CPS1: variants seen among roughly 807,000 people sequenced by gnomAD.
CPS1 encodes carbamoyl-phosphate synthase 1, also known as carbamoyl-phosphate synthase [ammonia], mitochondrial.
A neutral mutation model predicts 174.6 loss-of-function variants in CPS1; 109 were observed. That is an observed-to-expected ratio of 0.62 (90% CI 0.53 to 0.73). CPS1 has a LOEUF of 0.73. Among genes scored for constraint, CPS1 ranks in the 30% least tolerant of loss-of-function variants. The pLI, the probability that CPS1 is intolerant of heterozygous loss-of-function variation, is 0.00. For synonymous variants in CPS1, 637 were observed against 632.0 expected (o/e 1.01, Z -0.12); for missense variants, 1,689 against 1,821.9 (o/e 0.93, Z 1.33).
At chr2:210,551,933 A>G (rs1411304499), upstream of CPS1, among the ~76,000 whole-genome samples, 1 of 151,840 alleles carries the variant, frequency 6.6e-6, no homozygotes, top group Admixed American at 6.6e-5. Context: ...ACTTTGAGGA[A>G]TCCTCCTACC....
intron 21 of CPS1, among the ~76,000 whole-genome samples, chr2:210,636,271 G>A (rs1700039908): frequency 6.6e-6 from 1 of 151,834 alleles, no homozygotes; most frequent in Non-Finnish European, 1.5e-5. Flanking sequence ...CATGCATTTT[G>A]AAATCTAGTT....
chr2:210,649,939 G>C (rs1700508950), intron 27 of CPS1, among the ~76,000 whole-genome samples: 1 of 152,178 alleles, frequency 6.6e-6, no homozygotes, highest in Non-Finnish European at 1.5e-5. Flanking sequence ...TTTGACAACA[G>C]AGCAGTAGGC....
chr2:210,511,874 A>G (rs556616454), intron 1 of CPS1, among the ~76,000 whole-genome samples: 7 of 152,076 alleles, frequency 4.6e-5, no homozygotes, highest in Non-Finnish European at 7.4e-5. Context: ...TGTGGTTTCA[A>G]TAATCTTCAA....
chr2:210,491,719 T>C lies in CPS1; in HGVS notation c.3+13953T>C, dbSNP rs533203874. Among the ~76,000 whole-genome samples, 4 of 152,230 alleles carry C rather than the reference T, an allele frequency of 2.6e-5. No homozygotes were observed. In the South Asian group the frequency reaches 8.3e-4, roughly 32 times the overall value. ...TTTCTACCTCTTGGCCCCTAAGAAA[T>C]GTGGGATCACCTTGAACAGATCTGT... On this transcript the variant is annotated intron_variant, in intron 1 of 38. Transcript: ENST00000430249.
chr2:210,660,429 AT>A, intron 31 of CPS1, 55 bp from the exon 32 acceptor site: 1 of 1,528,420 alleles, frequency 6.5e-7, no homozygotes, highest in Non-Finnish European at 9.1e-7. Context: ...GAATATTAAT[AT>A]TGTTGTTACT....
chr2:210,655,042 C>T (rs989420077), intron 29 of CPS1, among the ~76,000 whole-genome samples: 9 of 152,118 alleles, frequency 5.9e-5, no homozygotes, highest in African/African-American at 4.8e-5. Flanking sequence ...TGATACAAAG[C>T]TCAACACATT....
rs1382587498 is a variant in CPS1, at chr2:210,612,227, A to G, written c.2502A>G (p.Pro834=). 10 of 1,612,306 alleles carry G rather than the reference A, an allele frequency of 6.2e-6. No individual in the cohort carries two copies. Among genetic ancestry groups the G allele is most frequent in the Non-Finnish European group, 8.5e-6 (10 of 1,178,870 alleles). The change falls in exon 20 of 38, where the codon CCA becomes CCG. Residue 834 remains proline, a synonymous_variant. Coordinates refer to ENST00000233072, the MANE Select transcript of CPS1 (RefSeq NM_001875.5). ...GTCTCCCAATGAACAAAGAATGGCC[A>G]TCTAATTTAGATCTTAGAAAAGAGT... The part of the protein sequence containing the change: ...TPRLPMNKEW[P]SNLDLRKELS...
intron 1 of CPS1, among the ~76,000 whole-genome samples, chr2:210,504,178 G>A (rs1695219332): frequency 6.6e-6 from 1 of 152,094 alleles, no homozygotes; most frequent in African/African-American, 2.4e-5. Flanking sequence ...GCCTGAAACA[G>A]TGGAACAAGG....
At chr2:210,579,130 A>G (rs376577967) in intron 4 of CPS1, among the ~76,000 whole-genome samples, 1 of 152,226 alleles carries the variant, frequency 6.6e-6, no homozygotes, top group Non-Finnish European at 1.5e-5. Context: ...TCTTTTTAAA[A>G]AAATCTTATT....
intron 18 of CPS1, 61 bp downstream of exon 18, chr2:210,607,002 G>C (rs1698938490): frequency 6.8e-7 from 1 of 1,468,482 alleles, no homozygotes; most frequent in Non-Finnish European, 9.5e-7. Flanking sequence ...ATGAAAAATT[G>C]ACAGATAGTG....
chr2:210,491,564 T>TG (rs1694879139), intron 1 of CPS1, among the ~76,000 whole-genome samples: 1 of 152,076 alleles, frequency 6.6e-6, no homozygotes, highest in Non-Finnish European at 1.5e-5. Context: ...CCGCCTGCCT[T>TG]GGACTCCCAA....
intron 2 of CPS1, among the ~76,000 whole-genome samples, chr2:210,574,842 A>G (rs1404579848): frequency 6.7e-6 from 1 of 148,240 alleles, no homozygotes; most frequent in African/African-American, 2.5e-5. Flanking sequence ...ATGGAAAGAA[A>G]GAAGAAAGAG....
chr2:210,539,763 C>T lies in CPS1; in HGVS notation c.4-16956C>T, dbSNP rs1397704718. 2.0e-5 allele frequency among the ~76,000 whole-genome samples: 3 copies of T among 152,106 alleles called. 1 individual carries two copies. The highest frequency in any genetic ancestry group is 7.2e-5 in the African/African-American group (3 of 41,426). On this transcript the variant is annotated intron_variant, in intron 1 of 38. Coordinates refer to the CPS1 transcript ENST00000430249. Reference sequence around the variant, plus strand: ...GCGTTAGGGGGTCTGGTCATTTGTCCCTTGTCTGTTATGATCTACCTGCAG... The same window carrying T: ...GCGTTAGGGGGTCTGGTCATTTGTCTCTTGTCTGTTATGATCTACCTGCAG...
chr2:210,563,516 A>G (rs1238884183), intron 1 of CPS1, among the ~76,000 whole-genome samples: 2 of 152,150 alleles, frequency 1.3e-5, no homozygotes, highest in Non-Finnish European at 2.9e-5. Flanking sequence ...CACATATACA[A>G]AAGCCTAATG....
chr2:210,551,073 A>C (rs986856718), intron 1 of CPS1, among the ~76,000 whole-genome samples: 1 of 151,974 alleles, frequency 6.6e-6, no homozygotes, highest in African/African-American at 2.4e-5. Flanking sequence ...TATAATTGCT[A>C]TATATGCTTT....
At chr2:210,486,125 C>CAT (rs1410328820) in intron 1 of CPS1, among the ~76,000 whole-genome samples, 5 of 92,932 alleles carry the variant, frequency 5.4e-5, no homozygotes, top group East Asian at 3.3e-4. Flanking sequence ...TACACACACA[C>CAT]ACACACACAC....
chr2:210,490,648 G>A (rs7580046), intron 1 of CPS1, among the ~76,000 whole-genome samples: 61,857 of 152,092 alleles, frequency 0.41, 14,212 homozygotes, highest in Non-Finnish European at 0.53. Context: ...TATCCAAAGT[G>A]GAAATAAAAG....
intron 5 of CPS1, among the ~76,000 whole-genome samples, chr2:210,581,016 G>A (rs1697906598): frequency 6.6e-6 from 1 of 152,010 alleles, no homozygotes; most frequent in Non-Finnish European, 1.5e-5. Context: ...AAATACCCAT[G>A]ACCAGAAGGA....
chr2:210,648,949 GT>G (rs1185235660), intron 27 of CPS1, among the ~76,000 whole-genome samples: 3 of 152,184 alleles, frequency 2.0e-5, no homozygotes, highest in Non-Finnish European at 4.4e-5. Context: ...AAAATTTTCA[GT>G]TTTTGAGATC....
Sources: gnomAD v4.1 joint callset for allele counts (sites outside exome capture counted in the v4.1 genomes callset) on GRCh38, gnomAD v4.1.1 for gene constraint, MANE v1.5 for transcripts, NCBI Gene and HGNC (gene_info 2026-07-23, HGNC 2026-07-21) for gene names.